Variants in SEC61A1 observed in about 807,000 individuals in gnomAD.
SEC61A1 encodes the protein SEC61 translocon subunit alpha 1.
In SEC61A1, 15 loss-of-function variants were observed where a neutral mutation model predicts 55.2. The observed-to-expected ratio is 0.27, with a 90% CI of 0.18 to 0.42. The LOEUF is 0.42. Ranked by LOEUF, SEC61A1 falls within the 10% of genes least tolerant of loss-of-function variation. SEC61A1 has a pLI of 1.00. For synonymous variants in SEC61A1, 247 were observed against 234.0 expected (o/e 1.06, Z -0.51); for missense variants, 284 against 602.6 (o/e 0.47, Z 5.53).
Position 128,067,047 on chromosome 3 carries a change from A to G in SEC61A1, c.871A>G (p.Ile291Val). The G allele has an allele frequency of 6.2e-7, 1 of 1,614,174 alleles. No homozygotes were observed. The highest frequency in any genetic ancestry group is 8.5e-7 in the Non-Finnish European group (1 of 1,180,014). Residue 291 changes from isoleucine (I) to valine (V), a missense_variant, in exon 9 of 12, where the codon ATC becomes GTC. Coordinates refer to ENST00000243253, the MANE Select transcript of SEC61A1 (RefSeq NM_013336.4). The surrounding 1 kb of genome is among the most constrained non-coding windows in gnomAD (Gnocchi z 4.1). ...GCTCTTCTATACGTCCAACATCCCC[A>G]TCATCCTGCAGTCTGCCCTGGTGTC... ...IKLFYTSNIP[I>V]ILQSALVSNL...
At position 128,064,865 on chromosome 3, in the gene SEC61A1, C is replaced by G; in HGVS notation, c.617-12C>G. On this transcript the variant is annotated splice_polypyrimidine_tract_variant and intron_variant, in intron 7 of 11. Coordinates refer to ENST00000243253, the MANE Select transcript of SEC61A1 (RefSeq NM_013336.4). ...TTCGTTCCTTCATATATGTCTCCTC[C>G]TCTGCCAACAGGAATGGAATTTGAA... 1 of 1,584,764 alleles carries G rather than the reference C, an allele frequency of 6.3e-7. No individual in the cohort carries two copies. The highest frequency in any genetic ancestry group is 8.6e-7 in the Non-Finnish European group (1 of 1,164,350).
Position 128,067,684 on chromosome 3 carries a change from T to G in SEC61A1, c.1167+72T>G, listed in dbSNP as rs1942024523. The G allele has an allele frequency of 3.3e-6, 4 of 1,202,278 alleles. No homozygotes were observed. The highest frequency in any genetic ancestry group is 3.6e-6 in the Non-Finnish European group (3 of 841,626). The allele number at this position is 1,202,278 out of a possible 1,614,324, so 74.5% of individuals were successfully genotyped here. On this transcript the variant is annotated intron_variant, in intron 10 of 11. Coordinates refer to ENST00000243253, the MANE Select transcript of SEC61A1 (RefSeq NM_013336.4). The surrounding 1 kb of genome is among the most constrained non-coding windows in gnomAD (Gnocchi z 4.1). ...GTATAAGGGGTGTGGACTTGTCACC[T>G]CATCATAAATAATGGTCTGTGACGT... is the stretch of plus-strand genomic sequence containing the variant.
rs368989033 is a variant in SEC61A1, at chr3:128,061,973, C to T, written c.616+1312C>T. ...CAGAGTTTGGAAGAAGTGATTTGCT[C>T]TGCACTGAAAGGCAGAGAGAGCAGC... On this transcript the variant is annotated intron_variant, in intron 7 of 11. Transcript: ENST00000243253. Among the ~76,000 whole-genome samples the T allele has an allele frequency of 6.2e-4, 95 of 152,318 alleles. 2 individuals carry two copies. The South Asian group carries it at 0.019, about 30-fold the overall frequency.
At chr3:128,069,391 C>A (rs1047206060) in intron 11 of SEC61A1, 85 bp from the exon 12 acceptor site, 4 of 1,312,506 alleles carry the variant, frequency 3.0e-6, no homozygotes, top group Non-Finnish European at 4.2e-6. Flanking sequence ...GCATTAGGTC[C>A]CAAAGTCTCA....
intron 8 of SEC61A1, among the ~76,000 whole-genome samples, chr3:128,066,180 T>C (rs1489607183): frequency 1.3e-5 from 2 of 152,114 alleles, no homozygotes; most frequent in South Asian, 2.1e-4. Context: ...CTTTTCTGTT[T>C]ATGATTAAAA....
intron 6 of SEC61A1, 134 bp downstream of exon 6, chr3:128,060,345 C>A: frequency 9.6e-7 from 1 of 1,042,812 alleles, no homozygotes; most frequent in East Asian, 2.4e-5. Flanking sequence ...TGGGTTAGCC[C>A]TCTGAATTCA....
chr3:128,065,216 G>C, intron 8 of SEC61A1, 179 bp downstream of exon 8: 1 of 736,466 alleles, frequency 1.4e-6, no homozygotes, highest in Middle Eastern at 2.3e-4. Flanking sequence ...ATTGAGTCAT[G>C]GGACCTGCCA....
chr3:128,053,408 C>T (rs975096709), intron 2 of SEC61A1, among the ~76,000 whole-genome samples: 10 of 152,200 alleles, frequency 6.6e-5, no homozygotes, highest in Non-Finnish European at 1.3e-4. Context: ...AAGTCTGCTG[C>T]TTTTCACAGA....
intron 2 of SEC61A1, 106 bp from the exon 3 acceptor site, chr3:128,055,410 T>A (rs972605740): frequency 3.4e-6 from 3 of 874,392 alleles, no homozygotes; most frequent in Non-Finnish European, 5.8e-6. Flanking sequence ...GAGAAAAGAG[T>A]CTGGTTGGAG....
At chr3:128,060,934 A>G (rs912039825) in intron 7 of SEC61A1, among the ~76,000 whole-genome samples, 1 of 152,232 alleles carries the variant, frequency 6.6e-6, no homozygotes, top group African/African-American at 2.4e-5. Context: ...TTAGCACAGT[A>G]TAAGCTTATA....
At chr3:128,059,226 C>T (rs1183667891) in intron 5 of SEC61A1, among the ~76,000 whole-genome samples, 1 of 152,072 alleles carries the variant, frequency 6.6e-6, no homozygotes, top group African/African-American at 2.4e-5. Flanking sequence ...GTAATCCCCG[C>T]ACTTTGGGAG....
At chr3:128,063,186 G>T (rs1023322486) in intron 7 of SEC61A1, among the ~76,000 whole-genome samples, 42 of 152,090 alleles carry the variant, frequency 2.8e-4, no homozygotes, top group African/African-American at 9.9e-4. Flanking sequence ...CTATTTCACT[G>T]TTAGGCACAA....
At chr3:128,052,224 CCCCCAGTCCCGGCGGGCCCCGCG>C, upstream of SEC61A1, 1 of 370,592 alleles carries the variant, frequency 2.7e-6, no homozygotes, top group East Asian at 5.1e-5. Flanking sequence ...CAGCCGCACA[CCCCCAGTCCCGGCGGGCCCCGCG>C]CGCCAGGCCC....
chr3:128,054,657 TGTCA>T (rs1941745336), intron 2 of SEC61A1, among the ~76,000 whole-genome samples: 1 of 152,232 alleles, frequency 6.6e-6, no homozygotes, highest in South Asian at 2.1e-4. Flanking sequence ...CACTTAATAC[TGTCA>T]GTCTCTCACA....
rs777677157 is a variant in SEC61A1, at chr3:128,060,618, C to T, written c.573C>T (p.Ile191=). 10 of 1,614,048 alleles carry T rather than the reference C, an allele frequency of 6.2e-6. No individual in the cohort carries two copies. The East Asian group carries it at 6.7e-5, about 11-fold the overall frequency. ...TTGCAACTAACATCTGTGAAACCAT[C>T]GTATGGAAGGCATTCAGCCCCACTA... ...LFIATNICET[I]VWKAFSPTTV... is the part of the protein sequence containing the mutation. The change falls in exon 7 of 12, where the codon ATC becomes ATT. Residue 191 remains isoleucine, a synonymous_variant. Coordinates refer to ENST00000243253, the MANE Select transcript of SEC61A1 (RefSeq NM_013336.4).
rs905137984 is a variant in SEC61A1 at position 128,069,732 on chromosome 3, C to T, written c.*70C>T. 21 of 1,296,124 alleles carry T rather than the reference C, an allele frequency of 1.6e-5. No homozygotes were observed. Among genetic ancestry groups the T allele is most frequent in the South Asian group, 3.7e-5 (3 of 80,140 alleles). The allele number at this position is 1,296,124 out of a possible 1,614,324, so 80.3% of individuals were successfully genotyped here. A position where few individuals can be genotyped will look rare whatever the true frequency, so the allele number is the denominator to read the frequency against. ...CGGAAGGGGAGCTCTCATCATGGCG[C>T]GTGCTGCTGCGGCATATGGACTTTT... is the stretch of plus-strand genomic sequence containing the variant. On this transcript the variant is annotated 3_prime_UTR_variant, in exon 12 of 12. Coordinates refer to ENST00000243253, the MANE Select transcript of SEC61A1 (RefSeq NM_013336.4).
Position 128,067,603 on chromosome 3 carries a change from T to C in SEC61A1, c.1158T>C (p.Ser386=), listed in dbSNP as rs1942020698. The part of the protein sequence containing the change: ...SKTWIEVSGS[S]AKDVAKQLKE... ...CGTGGATTGAGGTCTCAGGTTCCTC[T>C]GCCAAAGATGTAAGTAGAAGCAAAA... Residue 386 remains serine (S), a synonymous_variant, in exon 10 of 12, where the codon TCT becomes TCC. Transcript: ENST00000243253. This position sits in a 1 kb window ranked among gnomAD's most constrained non-coding sequence, Gnocchi z 4.1. 6.2e-7 allele frequency: 1 copy of C among 1,610,472 alleles called. No homozygotes were observed. Among genetic ancestry groups the C allele is most frequent in the Non-Finnish European group, 8.5e-7 (1 of 1,178,032 alleles).
rs1941832149 is a variant in SEC61A1, at chr3:128,060,160, T to C, written c.411T>C (p.Tyr137=). 6.2e-7 allele frequency: 1 copy of C among 1,614,040 alleles called. No individual in the cohort carries two copies. The highest frequency in any genetic ancestry group is 8.5e-7 in the Non-Finnish European group (1 of 1,179,982). ...TCGTGTATGTGATGACCGGGATGTA[T>C]GGGGACCCTTCTGAAATGGGTGCTG... is the stretch of plus-strand genomic sequence containing the variant. ...QSIVYVMTGM[Y]GDPSEMGAGI... is the part of the protein sequence containing the mutation. The change falls in exon 6 of 12, where the codon TAT becomes TAC. Residue 137 remains tyrosine, a synonymous_variant. Transcript: ENST00000243253.
In SEC61A1 at chr3:128,064,739, T is replaced by C. The variant is rs532754077; in HGVS notation, c.617-138T>C. The C allele has an allele frequency of 8.1e-5, 53 of 655,352 alleles. No individual in the cohort carries two copies. In the South Asian group the frequency reaches 1.0e-3, roughly 12 times the overall value. The allele number at this position is 655,352 out of a possible 1,614,324, so 40.6% of individuals were successfully genotyped here. A position where few individuals can be genotyped will look rare whatever the true frequency, so the allele number is the denominator to read the frequency against. ...AGGGAGGGATGAGAATAATACATGC[T>C]GTATCCCTGTGGCTATGGGCACCAT... is the stretch of plus-strand genomic sequence containing the variant. On this transcript the variant is annotated intron_variant, in intron 7 of 11. Transcript: ENST00000243253.
Sources: gnomAD v4.1 joint callset for allele counts (sites outside exome capture counted in the v4.1 genomes callset) on GRCh38, gnomAD v4.1.1 for gene constraint, Gnocchi (gnomAD v3.1) non-coding constraint, MANE v1.5 for transcripts, NCBI Gene and HGNC (gene_info 2026-07-23, HGNC 2026-07-21) for gene names.